The following AGBL4 variants were observed in gnomAD, a reference collection of about 807,000 sequenced individuals.
AGBL4 encodes the protein cytosolic carboxypeptidase 6.
Under a neutral mutation model 66.4 loss-of-function variants are expected in AGBL4, and 58 were observed. The ratio of observed to expected loss-of-function variants is 0.87; its 90% CI spans 0.71 to 1.09. The LOEUF (loss-of-function observed/expected upper bound fraction) is 1.09, where lower values mean the gene tolerates loss of function less well. Ranked by LOEUF, AGBL4 falls within the 50% of genes least tolerant of loss-of-function variation. The pLI, the probability that AGBL4 is intolerant of heterozygous loss-of-function variation, is 0.00. For missense variants in AGBL4, 579 were observed against 631.0 expected (o/e 0.92, Z 0.88); for synonymous variants, 234 against 222.9 (o/e 1.05, Z -0.44).
At chr1:49,211,263 T>A (rs1648646102) in intron 4 of AGBL4, among the ~76,000 whole-genome samples, 1 of 152,144 alleles carries the variant, frequency 6.6e-6, no homozygotes, top group Non-Finnish European at 1.5e-5. Flanking sequence ...TACACAAACA[T>A]GCAGTTGATT....
At chr1:48,815,047 A>C (rs1027642780) in intron 6 of AGBL4, among the ~76,000 whole-genome samples, 6 of 152,138 alleles carry the variant, frequency 3.9e-5, no homozygotes, top group Non-Finnish European at 7.4e-5. Context: ...TTTTCTCCAC[A>C]TCCTTTCCAG....
intron 4 of AGBL4, among the ~76,000 whole-genome samples, chr1:49,131,930 G>A (rs1645906098): frequency 1.3e-5 from 2 of 152,078 alleles, no homozygotes; most frequent in South Asian, 4.1e-4. Context: ...TATGGAACTG[G>A]AAAATGGTAA....
intron 1 of AGBL4, among the ~76,000 whole-genome samples, chr1:50,006,671 G>GA (rs71572699): frequency 0.42 from 61,379 of 144,630 alleles, 15,007 homozygotes; most frequent in Non-Finnish European, 0.56. Flanking sequence ...GTGTAGAAGG[G>GA]AAAAAAAAAA....
chr1:48,669,190 CT>C (rs1646237081), intron 6 of AGBL4, among the ~76,000 whole-genome samples: 1 of 152,294 alleles, frequency 6.6e-6, no homozygotes, highest in Non-Finnish European at 1.5e-5. Context: ...CACCTTGAGC[CT>C]CAGTTTCCTC....
chr1:49,685,843 TG>T lies in AGBL4; in HGVS notation c.282+11469del, dbSNP rs1646778017. On this transcript the variant is annotated intron_variant, in intron 3 of 13. Transcript: ENST00000371839. ...TGCAAATATTTTCTTCCATTTTGTT[TG>T]TTGTCTGTTTACACTGCTGATGGTG... Among the ~76,000 whole-genome samples, 5 of 152,308 alleles carry T rather than the reference TG, an allele frequency of 3.3e-5. No individual in the cohort carries two copies. In the South Asian group the frequency reaches 1.0e-3, roughly 32 times the overall value.
rs183289047 is a variant in AGBL4, at chr1:49,353,332, T to G, written c.283-107468A>C. 5.7e-3 allele frequency among the ~76,000 whole-genome samples: 872 copies of G among 152,368 alleles called. 5 individuals are homozygous for G. Among genetic ancestry groups the G allele is most frequent in the Non-Finnish European group, 8.7e-3 (590 of 68,034 alleles). On this transcript the variant is annotated intron_variant, in intron 3 of 13. Coordinates refer to ENST00000371839, the MANE Select transcript of AGBL4 (RefSeq NM_032785.4). The stretch of plus-strand genomic sequence containing the variant: ...CAGACTTTTGCGGGTTCCTCAATAC[T>G]ATGTATAACATAATTTCTATAAACT...
At position 48,643,790 on chromosome 1, in the gene AGBL4, C is replaced by T. The variant is rs535712145; in HGVS notation, c.840-9186G>A. Among the ~76,000 whole-genome samples, 970 of 145,832 alleles carry T rather than the reference C, an allele frequency of 6.7e-3. 6 individuals carry two copies. Among genetic ancestry groups the T allele is most frequent in the South Asian group, 0.016 (72 of 4,504 alleles). On this transcript the variant is annotated intron_variant, in intron 8 of 13. Coordinates refer to ENST00000371839, the MANE Select transcript of AGBL4 (RefSeq NM_032785.4). Reference sequence around the variant, plus strand: ...TCAGCTCCGGAAAAGAAGCAGAGCCCGTTTGGGCCTAGCCCCTCCTAGCAT... The same window carrying T: ...TCAGCTCCGGAAAAGAAGCAGAGCCTGTTTGGGCCTAGCCCCTCCTAGCAT...
intron 6 of AGBL4, among the ~76,000 whole-genome samples, chr1:48,679,797 CT>C (rs1470184310): frequency 2.6e-5 from 4 of 152,224 alleles, no homozygotes; most frequent in Non-Finnish European, 5.9e-5. Context: ...GCAATGGTAG[CT>C]ACTATGTTGC....
intron 3 of AGBL4, among the ~76,000 whole-genome samples, chr1:49,395,271 C>CT (rs1441147115): frequency 1.3e-5 from 2 of 151,978 alleles, no homozygotes; most frequent in African/African-American, 4.8e-5. Flanking sequence ...GATCAGGGCA[C>CT]TTACATACTG....
chr1:49,804,124 T>TA (rs1413413021), intron 2 of AGBL4, among the ~76,000 whole-genome samples: 1 of 152,174 alleles, frequency 6.6e-6, no homozygotes, highest in Non-Finnish European at 1.5e-5. Flanking sequence ...CTTAAAATCT[T>TA]AAACCATAAT....
At chr1:49,156,007 CT>C (rs1646422350) in intron 4 of AGBL4, among the ~76,000 whole-genome samples, 1 of 152,174 alleles carries the variant, frequency 6.6e-6, no homozygotes, top group South Asian at 2.1e-4. Context: ...AGTGAAGAAT[CT>C]AGATCATCAG....
chr1:49,375,633 C>T (rs1644457524), intron 3 of AGBL4, among the ~76,000 whole-genome samples: 1 of 152,074 alleles, frequency 6.6e-6, no homozygotes, highest in Non-Finnish European at 1.5e-5. Context: ...ATGAAAGAGA[C>T]TGCTCTTGGG....
At chr1:49,522,557 T>C (rs769977529) in intron 3 of AGBL4, among the ~76,000 whole-genome samples, 1 of 152,174 alleles carries the variant, frequency 6.6e-6, no homozygotes, top group Admixed American at 6.5e-5. Context: ...CCCAGCCCAG[T>C]CCAGTAGCTG....
intron 3 of AGBL4, among the ~76,000 whole-genome samples, chr1:49,596,031 G>C (rs1644846834): frequency 6.6e-6 from 1 of 152,070 alleles, no homozygotes; most frequent in Non-Finnish European, 1.5e-5. Flanking sequence ...TTGTATGAGA[G>C]AGGCAGGTTC....
At chr1:49,639,820 T>C (rs1645746739) in intron 3 of AGBL4, among the ~76,000 whole-genome samples, 1 of 152,146 alleles carries the variant, frequency 6.6e-6, no homozygotes, top group African/African-American at 2.4e-5. Context: ...CAAGAAAGTT[T>C]TTAACAATAT....
chr1:48,724,738 G>C (rs953180133), intron 6 of AGBL4, among the ~76,000 whole-genome samples: 2 of 152,052 alleles, frequency 1.3e-5, no homozygotes, highest in African/African-American at 2.4e-5. Flanking sequence ...AAAAAAAATC[G>C]CAAGTTAGAA....
intron 2 of AGBL4, among the ~76,000 whole-genome samples, chr1:49,817,056 G>A (rs1645250412): frequency 6.6e-6 from 1 of 152,108 alleles, no homozygotes; most frequent in African/African-American, 2.4e-5. Context: ...TCCCTGAAGA[G>A]GCAGCCCTAT....
chr1:49,778,636 T>C (rs1644259089), intron 2 of AGBL4, among the ~76,000 whole-genome samples: 1 of 152,194 alleles, frequency 6.6e-6, no homozygotes, highest in African/African-American at 2.4e-5. Context: ...AGAGCCCTCC[T>C]GGATAAGGGA....
At chr1:50,004,473 C>A (rs1660988503) in intron 1 of AGBL4, among the ~76,000 whole-genome samples, 2 of 152,120 alleles carry the variant, frequency 1.3e-5, no homozygotes, top group Non-Finnish European at 2.9e-5. Flanking sequence ...CTCCCCCAAC[C>A]CCAGGCAGTG....
Sources: gnomAD v4.1 joint callset for allele counts (sites outside exome capture counted in the v4.1 genomes callset) on GRCh38, gnomAD v4.1.1 for gene constraint, MANE v1.5 for transcripts, NCBI Gene and HGNC (gene_info 2026-07-23, HGNC 2026-07-21) for gene names.